The following RIMS4 variants were observed in gnomAD, a reference collection of about 807,000 sequenced individuals.
The protein encoded by RIMS4 is regulating synaptic membrane exocytosis protein 4.
Under a neutral mutation model 29.0 loss-of-function variants are expected in RIMS4, and 9 were observed. The ratio of observed to expected loss-of-function variants is 0.31; its 90% CI spans 0.19 to 0.54. RIMS4 has a LOEUF of 0.54. Ranked by LOEUF, RIMS4 falls within the 20% of genes least tolerant of loss-of-function variation. The probability of loss-of-function intolerance (pLI) is 0.94; values close to 1 mark genes in which losing one functional copy is unlikely to be tolerated. For missense variants in RIMS4, 193 were observed against 365.7 expected, an observed-to-expected ratio of 0.53 and a Z score of 3.85; for synonymous variants, 130 against 152.9, an observed-to-expected ratio of 0.85 and a Z score of 1.10.
At chr20:44,793,777 G>A (rs1044598097) in intron 1 of RIMS4, among the ~76,000 whole-genome samples, 7 of 152,122 alleles carry the variant, frequency 4.6e-5, no homozygotes, top group Non-Finnish European at 5.9e-5. Context: ...AGGTCTAAAG[G>A]TAGAAATGAA....
chr20:44,763,902 A>G (rs762792812), intron 2 of RIMS4, among the ~76,000 whole-genome samples: 20 of 152,200 alleles, frequency 1.3e-4, no homozygotes, highest in Non-Finnish European at 2.8e-4. Flanking sequence ...TCAAAGGTTT[A>G]GGAGTTTACG....
chr20:44,782,785 C>G (rs2066190404), intron 1 of RIMS4, among the ~76,000 whole-genome samples: 1 of 152,184 alleles, frequency 6.6e-6, no homozygotes. Context: ...AATATGGCCT[C>G]TAACAGACAG....
At position 44,768,984 on chromosome 20, in the gene RIMS4, TGTAA is replaced by T. The variant is rs948858179; in HGVS notation, c.236+2287_236+2290del. On this transcript the variant is annotated intron_variant, in intron 2 of 5. Coordinates refer to ENST00000372851, the MANE Select transcript of RIMS4 (RefSeq NM_182970.4). ...TTAACATATTGAACCCTCACAACTCTGTAAGTGTCTGCACTGTTATGTCCCCTTT... is the reference window on the plus strand; with the variant it reads ...TTAACATATTGAACCCTCACAACTCTGTGTCTGCACTGTTATGTCCCCTTT... 2.6e-4 allele frequency among the ~76,000 whole-genome samples: 39 copies of T among 152,218 alleles called. 1 individual carries two copies. The highest frequency in any genetic ancestry group is 7.2e-5 in the African/African-American group (3 of 41,444).
chr20:44,802,118 G>T (rs1246781168), intron 1 of RIMS4, among the ~76,000 whole-genome samples: 3 of 152,136 alleles, frequency 2.0e-5, no homozygotes, highest in Admixed American at 1.3e-4. Flanking sequence ...CAAGTTTGGC[G>T]GCCCTGCTCT....
intron 1 of RIMS4, among the ~76,000 whole-genome samples, chr20:44,800,619 C>T (rs1010265393): frequency 2.0e-5 from 3 of 151,922 alleles, no homozygotes; most frequent in Non-Finnish European, 4.4e-5. Flanking sequence ...AAATAACCAT[C>T]TAGGGGCTAC....
At chr20:44,801,753 C>T (rs1838429393) in intron 1 of RIMS4, among the ~76,000 whole-genome samples, 1 of 152,138 alleles carries the variant, frequency 6.6e-6, no homozygotes, top group Non-Finnish European at 1.5e-5. Flanking sequence ...AAACCTGGCA[C>T]AACGCAGGCA....
chr20:44,759,236 T>G lies in RIMS4; in HGVS notation c.237-1052A>C, dbSNP rs116799188. On this transcript the variant is annotated intron_variant, in intron 2 of 5. Coordinates refer to ENST00000372851, the MANE Select transcript of RIMS4 (RefSeq NM_182970.4). ...CTCACCACAACCACAGGAGGTTTTT[T>G]TTGTTGTTGTTCTGGTTTTTGTTTT... is the stretch of plus-strand genomic sequence containing the variant. Among the ~76,000 whole-genome samples the G allele has an allele frequency of 4.2e-3, 640 of 152,206 alleles. 5 individuals are homozygous for G. The highest frequency in any genetic ancestry group is 0.015 in the African/African-American group (608 of 41,532).
At position 44,771,255 on chromosome 20, in the gene RIMS4, G is replaced by A; in HGVS notation, c.236+20C>T. On this transcript the variant is annotated intron_variant, in intron 2 of 5. Transcript: ENST00000372851. ...ACAAAAGACTGCAAGAACCAGGAGG[G>A]CTGGTGGCCCCACACTTACTTGCCC... 1 of 1,596,352 alleles carries A rather than the reference G, an allele frequency of 6.3e-7. No homozygotes were observed. The highest frequency in any genetic ancestry group is 1.3e-5 in the African/African-American group (1 of 74,754).
rs747680363 is a variant in RIMS4 at position 44,810,216 on chromosome 20, A to G, written c.56T>C (p.Ile19Thr). ...GAAGGAGTTCATGCACGGGAAGTAG[A>G]TGGCGAGCGCCTCGAAGGAGGCGGA... The part of the protein sequence containing the change: ...SLSASFEALA[I>T]YFPCMNSFDD... The change falls in exon 1 of 6, where the codon ATC (isoleucine) becomes ACC (threonine). Residue 19 changes from isoleucine to threonine, a missense_variant. Coordinates refer to ENST00000372851, the MANE Select transcript of RIMS4 (RefSeq NM_182970.4). The G allele has an allele frequency of 6.3e-7, 1 of 1,582,704 alleles. No individual in the cohort carries two copies. Among genetic ancestry groups the G allele is most frequent in the South Asian group, 1.1e-5 (1 of 89,162 alleles).
chr20:44,771,253 G>A (rs780403938), intron 2 of RIMS4, 22 bp downstream of exon 2: 1 of 1,595,692 alleles, frequency 6.3e-7, no homozygotes, highest in Non-Finnish European at 8.6e-7. Context: ...AGAACCAGGA[G>A]GGCTGGTGGC....
chr20:44,764,255 C>CATCCATCCATCCATCCATCCATCTATCCA (rs1325046131), intron 2 of RIMS4, among the ~76,000 whole-genome samples: 1 of 144,320 alleles, frequency 6.9e-6, no homozygotes. Context: ...TCCATCCATC[C>CATCCATCCATCCATCCATCCATCTATCCA]TCCCACAAAC....
intron 1 of RIMS4, among the ~76,000 whole-genome samples, chr20:44,783,281 C>T (rs1422316606): frequency 6.6e-6 from 1 of 152,154 alleles, no homozygotes; most frequent in African/African-American, 2.4e-5. Flanking sequence ...GACGAATGAA[C>T]AAACTGTGGT....
At position 44,799,715 on chromosome 20, in the gene RIMS4, C is replaced by T. The variant is rs752041024; in HGVS notation, c.97+10460G>A. 1.8e-4 allele frequency among the ~76,000 whole-genome samples: 28 copies of T among 152,116 alleles called. 1 individual carries two copies. Among genetic ancestry groups the T allele is most frequent in the Middle Eastern group, 6.3e-3 (2 of 316 alleles). On this transcript the variant is annotated intron_variant, in intron 1 of 5. Coordinates refer to ENST00000372851, the MANE Select transcript of RIMS4 (RefSeq NM_182970.4). ...TTGAGGCCTCAGGTGCCGCAGGGTC[C>T]ATGATGGCTACTTGGGGTGCCTCAG...
At chr20:44,764,238 T>TTATCCATCCATC (rs1555859465) in intron 2 of RIMS4, among the ~76,000 whole-genome samples, 2 of 127,454 alleles carry the variant, frequency 1.6e-5, no homozygotes, top group Non-Finnish European at 3.3e-5. Context: ...GTCCATCCAT[T>TTATCCATCCATC]CATCCATCCA....
intron 1 of RIMS4, among the ~76,000 whole-genome samples, chr20:44,809,667 A>G (rs1397866687): frequency 6.6e-6 from 1 of 152,108 alleles, no homozygotes; most frequent in Non-Finnish European, 1.5e-5. Context: ...GAGAGGAGAG[A>G]TAAATGGGGG....
chr20:44,772,597 G>A (rs1601026892), intron 1 of RIMS4, among the ~76,000 whole-genome samples: 1 of 152,200 alleles, frequency 6.6e-6, no homozygotes, highest in African/African-American at 2.4e-5. Context: ...GGGGAGCCAG[G>A]ACACAGCCCC....
intron 1 of RIMS4, among the ~76,000 whole-genome samples, chr20:44,779,424 C>T (rs962475367): frequency 6.6e-6 from 1 of 152,204 alleles, no homozygotes; most frequent in African/African-American, 2.4e-5. Context: ...CCAAAAGTAG[C>T]ATTACCCTAA....
At chr20:44,785,441 G>A (rs545579981) in intron 1 of RIMS4, among the ~76,000 whole-genome samples, 23 of 152,206 alleles carry the variant, frequency 1.5e-4, no homozygotes, top group African/African-American at 1.9e-4. Context: ...CAACTCCTGG[G>A]CTCAAGGGAT....
intron 3 of RIMS4, 45 bp downstream of exon 3, chr20:44,758,027 A>G (rs376680405): frequency 1.4e-5 from 20 of 1,394,472 alleles, no homozygotes; most frequent in Non-Finnish European, 2.0e-5. Context: ...CTGGTGTGAC[A>G]CCCAACTCCC....
Sources: gnomAD v4.1 joint callset for allele counts (sites outside exome capture counted in the v4.1 genomes callset) on GRCh38, gnomAD v4.1.1 for gene constraint, MANE v1.5 for transcripts, NCBI Gene and HGNC (gene_info 2026-07-23, HGNC 2026-07-21) for gene names.